The following MAGI2 variants were observed in gnomAD, a reference collection of about 807,000 sequenced individuals.
MAGI2 encodes membrane-associated guanylate kinase, WW and PDZ domain-containing protein 2.
A neutral mutation model predicts 133.3 loss-of-function variants in MAGI2; 35 were observed. The observed-to-expected ratio is 0.26, with a 90% CI of 0.20 to 0.35. The LOEUF is 0.35. Ranked by LOEUF, MAGI2 falls within the 10% of genes least tolerant of loss-of-function variation. The pLI, the probability that MAGI2 is intolerant of heterozygous loss-of-function variation, is 1.00. For synonymous variants in MAGI2, 729 were observed against 710.6 expected (o/e 1.03, Z -0.41); for missense variants, 1,636 against 1,863.4 (o/e 0.88, Z 2.25).
chr7:78,195,116 T>C, intron 11 of MAGI2, 53 bp from the exon 12 acceptor site: 2 of 1,470,734 alleles, frequency 1.4e-6, no homozygotes, highest in Non-Finnish European at 1.8e-6. Context: ...TCCTGGCTAT[T>C]TCTCTTGTCA....
chr7:79,031,977 A>C (rs1284372488), intron 1 of MAGI2, among the ~76,000 whole-genome samples: 2 of 152,176 alleles, frequency 1.3e-5, no homozygotes. Flanking sequence ...AACATAAACT[A>C]TTATGCAAAC....
chr7:78,200,485 A>C (rs1284730615), intron 11 of MAGI2, among the ~76,000 whole-genome samples: 1 of 152,182 alleles, frequency 6.6e-6, no homozygotes, highest in Admixed American at 6.5e-5. Flanking sequence ...GTATCTGAAG[A>C]AGATTCAGAA....
intron 6 of MAGI2, among the ~76,000 whole-genome samples, chr7:78,451,726 G>GT (rs1788745034): frequency 6.6e-6 from 1 of 152,104 alleles, no homozygotes. Flanking sequence ...CTGGTACAGA[G>GT]TAAGTACTAC....
chr7:79,058,096 G>A (rs1465542341), intron 1 of MAGI2, among the ~76,000 whole-genome samples: 1 of 151,584 alleles, frequency 6.6e-6, no homozygotes. Context: ...AGGAAGTGGT[G>A]GAGAGGGGGG....
At chr7:78,747,284 C>T (rs556608263) in intron 2 of MAGI2, among the ~76,000 whole-genome samples, 3 of 152,094 alleles carry the variant, frequency 2.0e-5, no homozygotes, top group Admixed American at 6.6e-5. Flanking sequence ...ATGAGCTGAA[C>T]CTAAAAATAG....
intron 9 of MAGI2, among the ~76,000 whole-genome samples, chr7:78,264,741 C>T (rs545661154): frequency 1.3e-5 from 2 of 152,264 alleles, no homozygotes; most frequent in South Asian, 2.1e-4. Flanking sequence ...TTTATTTTCA[C>T]GTAAAATGCA....
At chr7:78,428,564 T>G (rs1201570009) in intron 6 of MAGI2, among the ~76,000 whole-genome samples, 1 of 152,188 alleles carries the variant, frequency 6.6e-6, no homozygotes, top group Non-Finnish European at 1.5e-5. Context: ...TTTAAAAAAT[T>G]CATGCTAGAG....
chr7:79,266,941 C>T (rs2129556891), intron 1 of MAGI2, among the ~76,000 whole-genome samples: 1 of 152,206 alleles, frequency 6.6e-6, no homozygotes, highest in South Asian at 2.1e-4. Flanking sequence ...TGAGGTCTAT[C>T]ACATAGACTT....
chr7:78,513,599 G>T (rs1021278316), intron 4 of MAGI2, among the ~76,000 whole-genome samples: 40 of 152,154 alleles, frequency 2.6e-4, no homozygotes, highest in Non-Finnish European at 5.7e-4. Flanking sequence ...AGAACCTGAA[G>T]AAACTTAAAC....
chr7:78,158,506 TCC>T (rs1325603964), intron 16 of MAGI2, among the ~76,000 whole-genome samples: 2 of 152,124 alleles, frequency 1.3e-5, no homozygotes, highest in African/African-American at 4.8e-5. Context: ...CTACTTCTCC[TCC>T]CTCTACTGCT....
chr7:78,854,987 A>C (rs763826045), intron 2 of MAGI2, among the ~76,000 whole-genome samples: 61 of 151,446 alleles, frequency 4.0e-4, no homozygotes, highest in Non-Finnish European at 7.5e-4. Flanking sequence ...TGAGTAACTG[A>C]GATTACAGGC....
intron 2 of MAGI2, among the ~76,000 whole-genome samples, chr7:78,880,559 A>G (rs1411018456): frequency 6.6e-6 from 1 of 152,220 alleles, no homozygotes; most frequent in Non-Finnish European, 1.5e-5. Context: ...CCAGATTTAC[A>G]TGAGATCTTC....
At chr7:78,135,547 T>C (rs562852505) in intron 16 of MAGI2, among the ~76,000 whole-genome samples, 196 of 152,284 alleles carry the variant, frequency 1.3e-3, no homozygotes, top group South Asian at 2.7e-3. Flanking sequence ...GCGAGGACCA[T>C]GAATTTCTAA....
intron 10 of MAGI2, among the ~76,000 whole-genome samples, chr7:78,245,378 C>A (rs1791656397): frequency 6.6e-6 from 1 of 152,198 alleles, no homozygotes; most frequent in Non-Finnish European, 1.5e-5. Flanking sequence ...AAGCGCCTAG[C>A]ACATTGTGGG....
intron 6 of MAGI2, among the ~76,000 whole-genome samples, chr7:78,381,288 A>G (rs1794899550): frequency 1.3e-5 from 2 of 152,124 alleles, no homozygotes; most frequent in Non-Finnish European, 2.9e-5. Context: ...GAGAAATTGC[A>G]GTGAGTTGAG....
At chr7:78,574,675 A>T (rs1024436005) in intron 3 of MAGI2, among the ~76,000 whole-genome samples, 2 of 152,222 alleles carry the variant, frequency 1.3e-5, no homozygotes, top group South Asian at 2.1e-4. Context: ...TCTAAAGTAG[A>T]AAGCGTTCTA....
intron 20 of MAGI2, among the ~76,000 whole-genome samples, chr7:78,115,746 G>A (rs1819803126): frequency 6.6e-6 from 1 of 152,184 alleles, no homozygotes. Flanking sequence ...AGCACTTTGG[G>A]AGGCTGAGGC....
intron 10 of MAGI2, among the ~76,000 whole-genome samples, chr7:78,206,191 A>C (rs1829711283): frequency 6.6e-6 from 1 of 152,196 alleles, no homozygotes; most frequent in Non-Finnish European, 1.5e-5. Flanking sequence ...AATCACCCCA[A>C]TTCAAATAAG....
intron 2 of MAGI2, among the ~76,000 whole-genome samples, chr7:78,809,604 G>A (rs1239430510): frequency 4.6e-5 from 7 of 151,838 alleles, no homozygotes; most frequent in Admixed American, 4.6e-4. Flanking sequence ...CTGTAATGAA[G>A]GTGATATTTT....
Sources: gnomAD v4.1 joint callset for allele counts (sites outside exome capture counted in the v4.1 genomes callset) on GRCh38, gnomAD v4.1.1 for gene constraint, MANE v1.5 for transcripts, NCBI Gene and HGNC (gene_info 2026-07-23, HGNC 2026-07-21) for gene names.